PRKCB: variants seen among roughly 807,000 people sequenced by gnomAD.
PRKCB encodes protein kinase C beta.
PRKCB carries 13 observed loss-of-function variants against 81.5 expected under a neutral mutation model. The observed-to-expected ratio is 0.16, with a 90% confidence interval of 0.10 to 0.25. PRKCB has a LOEUF of 0.25. Among genes scored for constraint, PRKCB ranks in the 10% least tolerant of loss-of-function variants. The pLI is 1.00. For missense variants in PRKCB, 509 were observed against 875.7 expected, an observed-to-expected ratio of 0.58 and a Z score of 5.29; for synonymous variants, 335 against 321.4, an observed-to-expected ratio of 1.04 and a Z score of -0.45.
intron 2 of PRKCB, among the ~76,000 whole-genome samples, chr16:23,931,357 G>A (rs1019205424): frequency 4.6e-5 from 7 of 152,180 alleles, no homozygotes; most frequent in African/African-American, 1.7e-4. Context: ...CTCCAGACAA[G>A]ACAGATGGCA....
intron 8 of PRKCB, among the ~76,000 whole-genome samples, chr16:24,113,775 A>G (rs986677550): frequency 3.3e-5 from 5 of 152,078 alleles, no homozygotes; most frequent in African/African-American, 1.2e-4. Context: ...TTAATCCTTC[A>G]AGACCCCAAT....
intron 2 of PRKCB, among the ~76,000 whole-genome samples, chr16:23,883,756 C>G (rs955847024): frequency 1.2e-4 from 18 of 152,238 alleles, no homozygotes; most frequent in African/African-American, 2.9e-4. Context: ...CACAGCTGGG[C>G]ACCTGGTACA....
At chr16:24,212,045 T>C (rs1424361905) in intron 16 of PRKCB, among the ~76,000 whole-genome samples, 4 of 152,152 alleles carry the variant, frequency 2.6e-5, no homozygotes, top group Non-Finnish European at 5.9e-5. Flanking sequence ...GTGGCAGCCC[T>C]CCATTTCTCA....
rs140815611 is a variant in PRKCB at position 24,191,787 on chromosome 16, G to A, written c.1863+557G>A. On this transcript the variant is annotated intron_variant, in intron 16 of 16. Transcript: ENST00000643927. Reference sequence around the variant, plus strand: ...TCCTCTTGAACTGAAGACCCCCTCCGGGAGGGTTTGGGTGTGGAGATGGCT... The same window carrying A: ...TCCTCTTGAACTGAAGACCCCCTCCAGGAGGGTTTGGGTGTGGAGATGGCT... Among the ~76,000 whole-genome samples the A allele has an allele frequency of 8.7e-4, 133 of 152,274 alleles. 1 individual carries two copies. The highest frequency in any genetic ancestry group is 6.8e-3 in the Middle Eastern group (2 of 294).
chr16:24,114,581 G>A (rs890758132), intron 8 of PRKCB, among the ~76,000 whole-genome samples: 1 of 152,110 alleles, frequency 6.6e-6, no homozygotes, highest in African/African-American at 2.4e-5. Flanking sequence ...AGAGCAGCAG[G>A]TGTATAGGAC....
intron 2 of PRKCB, among the ~76,000 whole-genome samples, chr16:23,873,407 A>G (rs764951818): frequency 6.6e-6 from 1 of 151,692 alleles, no homozygotes; most frequent in Non-Finnish European, 1.5e-5. Context: ...AAAAAGAAAA[A>G]TGGAAGACTT....
Position 24,191,818 on chromosome 16 carries a change from A to T in PRKCB, c.1863+588A>T, listed in dbSNP as rs181014510. Among the ~76,000 whole-genome samples the T allele has an allele frequency of 2.1e-3, 326 of 152,358 alleles. 2 individuals are homozygous for T. The South Asian group carries it at 0.022, about 10-fold the overall frequency. On this transcript the variant is annotated intron_variant, in intron 16 of 16. Transcript: ENST00000643927. Reference sequence around the variant, plus strand: ...GTTTGGGTGTGGAGATGGCTTTGACATAAGTTTTATAATGCAAGAATAAAA... The same window carrying T: ...GTTTGGGTGTGGAGATGGCTTTGACTTAAGTTTTATAATGCAAGAATAAAA...
intron 9 of PRKCB, among the ~76,000 whole-genome samples, chr16:24,142,291 C>T (rs944085451): frequency 1.3e-5 from 2 of 152,214 alleles, no homozygotes; most frequent in African/African-American, 4.8e-5. Context: ...GCCATAATCT[C>T]TTTCTTACAT....
intron 8 of PRKCB, among the ~76,000 whole-genome samples, chr16:24,123,184 G>A (rs1966822254): frequency 6.6e-6 from 1 of 152,190 alleles, no homozygotes; most frequent in East Asian, 1.9e-4. Flanking sequence ...GCTTCCCTGA[G>A]CCATGAAAAT....
chr16:23,836,971 C>T (rs919756372), intron 1 of PRKCB, among the ~76,000 whole-genome samples: 2 of 152,118 alleles, frequency 1.3e-5, no homozygotes, highest in East Asian at 3.9e-4. Context: ...GGCATCCTTT[C>T]CTCCTTCCCA....
rs1555480317 is a variant in PRKCB, at chr16:23,870,034, A to AG, written c.205+32631dup. ...GAGACTCCATCTGAAAAAAAAAAAA[A>AG]GGGTAATTTAAACAATATTATGAAG... On this transcript the variant is annotated intron_variant, in intron 2 of 16. Transcript: ENST00000643927. Among the ~76,000 whole-genome samples the AG allele has an allele frequency of 3.2e-4, 48 of 151,332 alleles. No individual in the cohort carries two copies. In the East Asian group the frequency reaches 8.7e-3, roughly 27 times the overall value.
chr16:23,990,895 G>C (rs1180053955), intron 3 of PRKCB, among the ~76,000 whole-genome samples: 1 of 152,180 alleles, frequency 6.6e-6, no homozygotes, highest in Non-Finnish European at 1.5e-5. Flanking sequence ...AGCTGAGAAG[G>C]CTTTCCACCA....
intron 7 of PRKCB, among the ~76,000 whole-genome samples, chr16:24,109,630 G>A (rs1304509671): frequency 7.7e-6 from 1 of 130,074 alleles, no homozygotes; most frequent in Non-Finnish European, 1.5e-5. Flanking sequence ...AGACTGGGCA[G>A]CCAGGCAGAG....
chr16:24,108,971 C>T (rs1220553068), intron 7 of PRKCB, among the ~76,000 whole-genome samples: 3 of 142,640 alleles, frequency 2.1e-5, no homozygotes, highest in East Asian at 2.1e-4. Flanking sequence ...GGGGGCTGGC[C>T]GGGCGGGGGA....
chr16:24,049,755 A>G (rs916817977), intron 5 of PRKCB, among the ~76,000 whole-genome samples: 15 of 152,248 alleles, frequency 9.9e-5, no homozygotes, highest in Non-Finnish European at 4.4e-5. Flanking sequence ...TGTTCAGGTT[A>G]CACTGGAAAA....
intron 2 of PRKCB, among the ~76,000 whole-genome samples, chr16:23,880,554 A>G (rs370739481): frequency 3.3e-5 from 5 of 152,132 alleles, no homozygotes; most frequent in South Asian, 4.2e-4. Flanking sequence ...TCTGAATTAT[A>G]TAACTCAAGC....
chr16:24,203,764 AC>A, intron 16 of PRKCB, among the ~76,000 whole-genome samples: 1 of 152,320 alleles, frequency 6.6e-6, no homozygotes, highest in Middle Eastern at 3.4e-3. Flanking sequence ...CATATGGAAA[AC>A]AGCACAGAGA....
chr16:24,201,155 C>G (rs1967951023), intron 16 of PRKCB, among the ~76,000 whole-genome samples: 1 of 152,174 alleles, frequency 6.6e-6, no homozygotes, highest in Non-Finnish European at 1.5e-5. Flanking sequence ...CACTCCTGCT[C>G]TGGACTCCAG....
chr16:24,081,466 T>G (rs770129776), intron 5 of PRKCB, among the ~76,000 whole-genome samples: 11 of 152,218 alleles, frequency 7.2e-5, no homozygotes, highest in Non-Finnish European at 1.5e-4. Flanking sequence ...TACTTAATGA[T>G]GAAAAACTGC....
Sources: gnomAD v4.1 joint callset for allele counts (sites outside exome capture counted in the v4.1 genomes callset) on GRCh38, gnomAD v4.1.1 for gene constraint, MANE v1.5 for transcripts, NCBI Gene and HGNC (gene_info 2026-07-23, HGNC 2026-07-21) for gene names.